The following VRK2 variants were observed in gnomAD, a reference collection of about 807,000 sequenced individuals.
VRK2 encodes VRK serine/threonine kinase 2, also known as serine/threonine-protein kinase VRK2.
VRK2 carries 60 observed loss-of-function variants against 57.6 expected under a neutral mutation model. The observed-to-expected ratio is 1.04, with a 90% CI of 0.85 to 1.29. The LOEUF is 1.29. Ranked by LOEUF, VRK2 falls within the 50% of genes most tolerant of loss-of-function variation. The pLI is 0.00. For missense variants in VRK2, 705 were observed against 588.1 expected, an observed-to-expected ratio of 1.20 and a Z score of -2.06; for synonymous variants, 231 against 199.2, an observed-to-expected ratio of 1.16 and a Z score of -1.35.
intron 2 of VRK2, among the ~76,000 whole-genome samples, chr2:58,054,804 C>G (rs536736056): frequency 6.6e-6 from 1 of 152,234 alleles, no homozygotes; most frequent in Non-Finnish European, 1.5e-5. Flanking sequence ...ATGTTTGTCC[C>G]TGATAGCTCC....
intron 2 of VRK2, among the ~76,000 whole-genome samples, chr2:58,054,496 C>T (rs954068893): frequency 2.6e-5 from 4 of 151,828 alleles, no homozygotes; most frequent in East Asian, 1.9e-4. Context: ...CTTTTGAGAG[C>T]TCTGGCTTCC....
At chr2:57,964,186 G>C (rs60730828) in intron 1 of VRK2, among the ~76,000 whole-genome samples, 28,134 of 151,994 alleles carry the variant, frequency 0.19, 3,445 homozygotes, top group African/African-American at 0.35. Flanking sequence ...GACTGGAAGC[G>C]TAACTGATAA....
chr2:57,924,405 G>A (rs1475511307), intron 1 of VRK2, among the ~76,000 whole-genome samples: 1 of 151,818 alleles, frequency 6.6e-6, no homozygotes, highest in Non-Finnish European at 1.5e-5. Context: ...TTACATCAGT[G>A]TTTTATAGTT....
upstream of VRK2, among the ~76,000 whole-genome samples, chr2:58,042,463 T>C (rs1470985385): frequency 6.6e-6 from 1 of 152,200 alleles, no homozygotes; most frequent in Non-Finnish European, 1.5e-5. Flanking sequence ...CTAGCTCTTC[T>C]TTGGCAGGCA....
At chr2:58,069,418 G>T (rs570740554) in intron 2 of VRK2, among the ~76,000 whole-genome samples, 1 of 152,094 alleles carries the variant, frequency 6.6e-6, no homozygotes, top group Non-Finnish European at 1.5e-5. Context: ...TTGTGGTGAC[G>T]TTCCCAAGCT....
chr2:58,024,078 C>T (rs1016958515), intron 1 of VRK2, among the ~76,000 whole-genome samples: 4 of 151,778 alleles, frequency 2.6e-5, no homozygotes, highest in African/African-American at 4.8e-5. Flanking sequence ...CTCCGCCTCC[C>T]GGGTTCACGT....
intron 1 of VRK2, among the ~76,000 whole-genome samples, chr2:57,997,554 A>AAT (rs1483224153): frequency 6.6e-6 from 1 of 152,238 alleles, no homozygotes; most frequent in East Asian, 1.9e-4. Context: ...GAATGAGCTA[A>AAT]ATTTTTTTAG....
chr2:57,953,766 GAA>G (rs1275752235), intron 1 of VRK2, among the ~76,000 whole-genome samples: 1 of 148,730 alleles, frequency 6.7e-6, no homozygotes, highest in Non-Finnish European at 1.5e-5. Flanking sequence ...TGAAGAGAGG[GAA>G]AAAAAAAGTC....
In VRK2 at chr2:58,146,537, G is replaced by A. The variant is rs1682169476; in HGVS notation, c.1182+63G>A. 4.6e-6 allele frequency: 7 copies of A among 1,515,564 alleles called. No homozygotes were observed. In the South Asian group the frequency reaches 7.6e-5, roughly 17 times the overall value. 93.9% of individuals were successfully genotyped at this position (1,515,564 alleles called of 1,614,324 possible). ...TGTTACATTAGAATATGCCCTTTGG[G>A]AATAAAAACATCTTATTTTCTCCTG... On this transcript the variant is annotated intron_variant, in intron 12 of 12. Transcript: ENST00000340157.
chr2:58,048,365 T>C (rs1675185862), intron 1 of VRK2, among the ~76,000 whole-genome samples: 1 of 152,228 alleles, frequency 6.6e-6, no homozygotes, highest in Non-Finnish European at 1.5e-5. Flanking sequence ...AGATGTCCAT[T>C]GCCATTGTCT....
At chr2:58,127,828 T>G (rs527344304) in intron 8 of VRK2, among the ~76,000 whole-genome samples, 1 of 152,320 alleles carries the variant, frequency 6.6e-6, no homozygotes, top group East Asian at 1.9e-4. Context: ...TACTCCATAA[T>G]GTTACTCGGT....
At chr2:58,106,856 C>T (rs1026462790) in intron 7 of VRK2, among the ~76,000 whole-genome samples, 6 of 151,932 alleles carry the variant, frequency 3.9e-5, no homozygotes, top group Non-Finnish European at 5.9e-5. Context: ...AAAAGTAAGC[C>T]AGCACCTCTT....
In VRK2 at chr2:57,967,222, C is replaced by T. The variant is rs567446374; in HGVS notation, c.-438-58443C>T. Among the ~76,000 whole-genome samples, 5 of 152,084 alleles carry T rather than the reference C, an allele frequency of 3.3e-5. No individual in the cohort carries two copies. In the East Asian group the frequency reaches 5.8e-4, roughly 18 times the overall value. ...GGGAACATCACACACTGGGGCCTGT[C>T]GGCGGGTGCGGGGCTAGGGGAGGGA... On this transcript the variant is annotated intron_variant, in intron 1 of 15. Transcript: ENST00000417641.
chr2:58,016,674 A>G (rs1178223556), intron 1 of VRK2, among the ~76,000 whole-genome samples: 1 of 152,192 alleles, frequency 6.6e-6, no homozygotes, highest in Non-Finnish European at 1.5e-5. Context: ...TAGTTTTAGA[A>G]CAGTGTTTTG....
chr2:57,910,525 T>C (rs1259299229), intron 1 of VRK2, among the ~76,000 whole-genome samples: 2 of 152,208 alleles, frequency 1.3e-5, no homozygotes, highest in Admixed American at 6.5e-5. Flanking sequence ...ATATTTGCCA[T>C]CAATCAGATC....
chr2:57,967,014 T>C (rs1437607527), intron 1 of VRK2, among the ~76,000 whole-genome samples: 4 of 152,162 alleles, frequency 2.6e-5, no homozygotes, highest in Non-Finnish European at 4.4e-5. Flanking sequence ...AGTGTCTATA[T>C]TTGGAATTCA....
At chr2:58,149,079 T>G (rs1025870940) in intron 12 of VRK2, among the ~76,000 whole-genome samples, 1 of 151,772 alleles carries the variant, frequency 6.6e-6, no homozygotes, top group Non-Finnish European at 1.5e-5. Flanking sequence ...AAGATGAGTT[T>G]ATGGAGAACT....
intron 7 of VRK2, among the ~76,000 whole-genome samples, chr2:58,104,422 T>C (rs1165334410): frequency 6.6e-6 from 1 of 151,314 alleles, no homozygotes; most frequent in East Asian, 1.9e-4. Flanking sequence ...CCAATAACAG[T>C]GAAGCTAAGA....
At chr2:58,092,705 G>C (rs1266562358) in intron 7 of VRK2, among the ~76,000 whole-genome samples, 1 of 152,068 alleles carries the variant, frequency 6.6e-6, no homozygotes, top group Non-Finnish European at 1.5e-5. Flanking sequence ...GGGTACATGT[G>C]CACAAAGTGC....
Sources: allele counts gnomAD v4.1 joint callset (sites outside exome capture counted in the v4.1 genomes callset), GRCh38; gene constraint gnomAD v4.1.1; transcripts MANE v1.5; gene names NCBI Gene and HGNC (gene_info 2026-07-23, HGNC 2026-07-21).